Variants in ANKRD17 observed in about 807,000 individuals in gnomAD.
The protein encoded by ANKRD17 is ankyrin repeat domain 17.
Under a neutral mutation model 229.7 loss-of-function variants are expected in ANKRD17, and 19 were observed. The observed-to-expected ratio is 0.08, with a 90% confidence interval of 0.06 to 0.12. The LOEUF is 0.12. Ranked by LOEUF, ANKRD17 falls within the 10% of genes least tolerant of loss-of-function variation. The pLI is 1.00. For synonymous variants in ANKRD17, 1,112 were observed against 1,146.1 expected, an observed-to-expected ratio of 0.97 and a Z score of 0.60; for missense variants, 2,176 against 3,176.8, an observed-to-expected ratio of 0.68 and a Z score of 7.57.
intron 1 of ANKRD17, among the ~76,000 whole-genome samples, chr4:73,220,262 T>C (rs1741671125): frequency 1.3e-5 from 2 of 152,250 alleles, no homozygotes; most frequent in Admixed American, 6.5e-5. Context: ...TTTTCTGCCA[T>C]CTGTATATGG....
intron 24 of ANKRD17, among the ~76,000 whole-genome samples, chr4:73,111,480 T>C (rs1725313131): frequency 6.6e-6 from 1 of 152,200 alleles, no homozygotes. Context: ...TTATGAATTG[T>C]TTATTTCTGG....
chr4:73,175,561 CAG>C (rs1236699843), intron 2 of ANKRD17, among the ~76,000 whole-genome samples: 1 of 152,164 alleles, frequency 6.6e-6, no homozygotes, highest in Non-Finnish European at 1.5e-5. Flanking sequence ...AATTATACTA[CAG>C]AGTTATAGTA....
intron 33 of ANKRD17, 97 bp from the exon 34 acceptor site, chr4:73,076,387 G>A: frequency 1.1e-6 from 1 of 883,762 alleles, no homozygotes; most frequent in Non-Finnish European, 1.6e-6. Flanking sequence ...TCTTCAATTT[G>A]CAATATACTA....
chr4:73,120,844 C>G (rs756224445), intron 20 of ANKRD17, 37 bp downstream of exon 20: 1 of 1,571,528 alleles, frequency 6.4e-7, no homozygotes, highest in Admixed American at 1.7e-5. Context: ...AATATCAAAG[C>G]AATAAATTCA....
At chr4:73,232,451 T>G (rs1743134355) in intron 1 of ANKRD17, among the ~76,000 whole-genome samples, 1 of 152,168 alleles carries the variant, frequency 6.6e-6, no homozygotes, top group Non-Finnish European at 1.5e-5. Flanking sequence ...ACATTTGTTT[T>G]TTAAAAAGAG....
In ANKRD17 at chr4:73,078,734, C is replaced by T; in HGVS notation, c.7316G>A (p.Gly2439Glu). 6.2e-7 allele frequency: 1 copy of T among 1,614,116 alleles called. No homozygotes were observed. Among genetic ancestry groups the T allele is most frequent in the East Asian group, 2.2e-5 (1 of 44,864 alleles). Residue 2439 changes from glycine to glutamate, a missense_variant, in exon 31 of 34, where the codon GGA becomes GAA. Physicochemically the swap from Gly to Glu is moderately conservative, Grantham distance 98. Around this residue, in one of 18 missense-constraint regions of ANKRD17, gnomAD observed 159 missense variants for 214.3 expected, o/e 0.74. Coordinates refer to ENST00000358602, the MANE Select transcript of ANKRD17 (RefSeq NM_032217.5). ...TERSARIRQTGTSAPSVIGSN... is the reference protein window; with the variant it reads ...TERSARIRQTETSAPSVIGSN... Reference sequence around the variant, plus strand: ...CCCAATAACAGATGGAGCTGACGTTCCAGTTTGCCTGATACGTGCAGAACG... The same window carrying T: ...CCCAATAACAGATGGAGCTGACGTTTCAGTTTGCCTGATACGTGCAGAACG...
At chr4:73,239,763 TC>T (rs1743842373) in intron 1 of ANKRD17, among the ~76,000 whole-genome samples, 1 of 152,046 alleles carries the variant, frequency 6.6e-6, no homozygotes, top group African/African-American at 2.4e-5. Context: ...ATTTTAAGAT[TC>T]CTCCAATATA....
chr4:73,120,792 AG>A, intron 20 of ANKRD17, 88 bp downstream of exon 20: 1 of 1,150,812 alleles, frequency 8.7e-7, no homozygotes, highest in East Asian at 2.5e-5. Context: ...GTTACTAGAA[AG>A]AACTAAAATT....
chr4:73,147,225 A>G lies in ANKRD17; in HGVS notation c.1759+16T>C. ...AAATCATGTAAAAAACTTCTCCCAA[A>G]TGCAAAAATGCCTACCTGCAGCTAA... On this transcript the variant is annotated intron_variant, in intron 9 of 33. Transcript: ENST00000358602. The G allele has an allele frequency of 1.3e-6, 2 of 1,521,020 alleles. No individual in the cohort carries two copies. Among genetic ancestry groups the G allele is most frequent in the African/African-American group, 1.4e-5 (1 of 71,104 alleles). The allele number at this position is 1,521,020 out of a possible 1,614,324, so 94.2% of individuals were successfully genotyped here. A position where few individuals can be genotyped will look rare whatever the true frequency, so the allele number is the denominator to read the frequency against.
At chr4:73,190,464 G>A (rs1311503251) in intron 1 of ANKRD17, among the ~76,000 whole-genome samples, 3 of 149,058 alleles carry the variant, frequency 2.0e-5, no homozygotes, top group Non-Finnish European at 3.0e-5. Context: ...TCGGGGACAA[G>A]ATACCCAAAT....
intron 23 of ANKRD17, 48 bp from the exon 24 acceptor site, chr4:73,113,956 C>T (rs372545188): frequency 3.7e-6 from 5 of 1,364,794 alleles, no homozygotes; most frequent in East Asian, 4.6e-5. Flanking sequence ...ACAATTCTCA[C>T]TTAGAGAAAT....
intron 22 of ANKRD17, among the ~76,000 whole-genome samples, chr4:73,117,115 C>T (rs1002586214): frequency 7.9e-5 from 12 of 152,114 alleles, no homozygotes; most frequent in African/African-American, 2.4e-4. Flanking sequence ...CAAACTTGTA[C>T]GACCTCTAGA....
In ANKRD17 at chr4:73,148,806, C is replaced by T. The variant is rs555188809; in HGVS notation, c.1567+7G>A. 1.6e-5 allele frequency: 26 copies of T among 1,608,546 alleles called. No homozygotes were observed. Among genetic ancestry groups the T allele is most frequent in the African/African-American group, 6.7e-5 (5 of 74,886 alleles). On this transcript the variant is annotated splice_region_variant and intron_variant, in intron 8 of 33. Transcript: ENST00000358602. ...TTATACTTTAGTGTCTTGATAGATACGGTTACCTTGACCAAGAAGTAATGC... is the reference window on the plus strand; with the variant it reads ...TTATACTTTAGTGTCTTGATAGATATGGTTACCTTGACCAAGAAGTAATGC...
chr4:73,215,652 A>G (rs1252247958), intron 1 of ANKRD17, among the ~76,000 whole-genome samples: 1 of 152,242 alleles, frequency 6.6e-6, no homozygotes, highest in Non-Finnish European at 1.5e-5. Flanking sequence ...TGATAAATTC[A>G]AAGTGCACAA....
At chr4:73,155,884 G>A in intron 4 of ANKRD17, 106 bp from the exon 5 acceptor site, 1 of 1,473,758 alleles carries the variant, frequency 6.8e-7, no homozygotes, top group South Asian at 1.4e-5. Context: ...AGAGCTATAA[G>A]CACACAAAAT....
chr4:73,250,588 T>TAAAAA (rs1744906611), intron 1 of ANKRD17, among the ~76,000 whole-genome samples: 1 of 6,262 alleles, frequency 1.6e-4, no homozygotes, highest in Non-Finnish European at 2.3e-4. Flanking sequence ...TGACCTTGTC[T>TAAAAA]CAAAAAAAAA....
At chr4:73,189,103 T>C (rs554360706) in intron 1 of ANKRD17, among the ~76,000 whole-genome samples, 70 of 152,218 alleles carry the variant, frequency 4.6e-4, no homozygotes, top group African/African-American at 1.5e-3. Flanking sequence ...AGCATTATTA[T>C]AACATTTAAG....
At chr4:73,122,663 A>G (rs1447719432) in intron 18 of ANKRD17, among the ~76,000 whole-genome samples, 1 of 152,154 alleles carries the variant, frequency 6.6e-6, no homozygotes, top group Admixed American at 6.5e-5. Context: ...ATCCTAAAAT[A>G]CTAACTGGCA....
At chr4:73,209,004 G>A (rs571339328) in intron 1 of ANKRD17, among the ~76,000 whole-genome samples, 114 of 152,206 alleles carry the variant, frequency 7.5e-4, no homozygotes, top group Non-Finnish European at 1.3e-3. Flanking sequence ...TCAGGAGTTC[G>A]AAACCAGCAT....
Sources: gnomAD v4.1 joint callset for allele counts (sites outside exome capture counted in the v4.1 genomes callset) on GRCh38, gnomAD v4.1.1 for gene constraint, gnomAD v4.1.1 regional missense constraint, MANE v1.5 for transcripts, NCBI Gene and HGNC (gene_info 2026-07-23, HGNC 2026-07-21) for gene names.